Variants in ZFHX3 observed in about 807,000 individuals in gnomAD.
ZFHX3 encodes zinc finger homeobox protein 3.
A neutral mutation model predicts 279.1 loss-of-function variants in ZFHX3; 42 were observed. The observed-to-expected ratio is 0.15, with a 90% CI of 0.12 to 0.19. ZFHX3 has a LOEUF of 0.19. ZFHX3 is among the 10% of genes least tolerant of loss of function. ZFHX3 has a pLI of 1.00. For synonymous variants in ZFHX3, 2,293 were observed against 1,957.8 expected, an observed-to-expected ratio of 1.17 and a Z score of -4.52; for missense variants, 4,981 against 4,754.0, an observed-to-expected ratio of 1.05 and a Z score of -1.40.
intron 3 of ZFHX3, among the ~76,000 whole-genome samples, chr16:72,904,861 T>A (rs1332743972): frequency 6.6e-6 from 1 of 152,146 alleles, no homozygotes; most frequent in Non-Finnish European, 1.5e-5. Flanking sequence ...GATGGGAGTC[T>A]CACTCTGTCA....
At chr16:73,682,989 AGAAAAGAAAGAAAGAAAGAAAGAG>A (rs2053040092) in intron 1 of ZFHX3, among the ~76,000 whole-genome samples, 1 of 34,936 alleles carries the variant, frequency 2.9e-5, no homozygotes, top group East Asian at 1.9e-3. Flanking sequence ...AAAGAAAGAA[AGAAAAGAAAGAAAGAAAGAAAGAG>A]AAAGGAGGGA....
intron 1 of ZFHX3, among the ~76,000 whole-genome samples, chr16:73,872,586 T>G (rs1369239119): frequency 6.6e-6 from 1 of 151,468 alleles, no homozygotes; most frequent in African/African-American, 2.4e-5. Context: ...TGGCTCTGCA[T>G]GCCCTCTGAA....
intron 1 of ZFHX3, among the ~76,000 whole-genome samples, chr16:73,872,065 G>T (rs1482110082): frequency 6.6e-6 from 1 of 152,154 alleles, no homozygotes; most frequent in Non-Finnish European, 1.5e-5. Context: ...ATTTTGAATT[G>T]TAAGTGAATG....
intron 3 of ZFHX3, among the ~76,000 whole-genome samples, chr16:73,376,372 GT>G (rs1156932279): frequency 6.6e-6 from 1 of 152,044 alleles, no homozygotes; most frequent in Admixed American, 6.6e-5. Flanking sequence ...ATTCTTTTAG[GT>G]TCTGGACCAT....
chr16:73,323,420 T>C (rs1365716977), intron 3 of ZFHX3, among the ~76,000 whole-genome samples: 1 of 151,976 alleles, frequency 6.6e-6, no homozygotes, highest in African/African-American at 2.4e-5. Context: ...GAAAAGTGGA[T>C]TTTCAAGAAG....
intron 3 of ZFHX3, among the ~76,000 whole-genome samples, chr16:73,427,811 C>T (rs750806903): frequency 9.9e-5 from 15 of 151,372 alleles, no homozygotes; most frequent in South Asian, 2.1e-4. Context: ...GGCGTGGTGG[C>T]GCACGCCTGG....
chr16:73,140,785 T>C lies in ZFHX3; in HGVS notation c.-1024+2967A>G, dbSNP rs368712333. Among the ~76,000 whole-genome samples, 153 of 151,822 alleles carry C rather than the reference T, an allele frequency of 1.0e-3. 2 individuals carry two copies. The highest frequency in any genetic ancestry group is 2.9e-3 in the South Asian group (14 of 4,778). On this transcript the variant is annotated intron_variant, in intron 6 of 17. Coordinates refer to the ZFHX3 transcript ENST00000641206. ...AGGAGAATCAATTGAACCCGGGAGGTGGAGGTTGCAGTGAGCTGATTGTGC... is the reference window on the plus strand; with the variant it reads ...AGGAGAATCAATTGAACCCGGGAGGCGGAGGTTGCAGTGAGCTGATTGTGC...
At chr16:73,411,865 TG>T (rs1429183259) in intron 3 of ZFHX3, among the ~76,000 whole-genome samples, 1 of 152,204 alleles carries the variant, frequency 6.6e-6, no homozygotes, top group Non-Finnish European at 1.5e-5. Context: ...CTTAGACATT[TG>T]AGTGTGTGAC....
At chr16:73,205,698 A>G (rs987716156) in intron 5 of ZFHX3, among the ~76,000 whole-genome samples, 5 of 152,164 alleles carry the variant, frequency 3.3e-5, no homozygotes, top group Non-Finnish European at 7.3e-5. Flanking sequence ...TTGGCTTTCA[A>G]TTCAAGATTA....
At chr16:73,713,957 A>C (rs1423598674) in intron 1 of ZFHX3, among the ~76,000 whole-genome samples, 1 of 152,182 alleles carries the variant, frequency 6.6e-6, no homozygotes, top group African/African-American at 2.4e-5. Flanking sequence ...TCAGAAGAAT[A>C]AGTACAGCCA....
intron 3 of ZFHX3, among the ~76,000 whole-genome samples, chr16:73,355,311 G>T (rs2016320603): frequency 6.6e-6 from 1 of 152,108 alleles, no homozygotes; most frequent in African/African-American, 2.4e-5. Context: ...CTCCTGACAT[G>T]AATAATAATA....
intron 3 of ZFHX3, among the ~76,000 whole-genome samples, chr16:73,320,614 C>T (rs1224575744): frequency 6.6e-6 from 1 of 152,204 alleles, no homozygotes; most frequent in Non-Finnish European, 1.5e-5. Flanking sequence ...TACCTATCTA[C>T]CTGTGCTTGG....
At chr16:73,579,380 T>C (rs2143820544) in intron 2 of ZFHX3, among the ~76,000 whole-genome samples, 1 of 152,372 alleles carries the variant, frequency 6.6e-6, no homozygotes, top group East Asian at 1.9e-4. Flanking sequence ...GGTGCATCCT[T>C]AACCTTGGCA....
Position 73,878,051 on chromosome 16 carries a change from C to T in ZFHX3, c.-1608+13600G>A, listed in dbSNP as rs368961544. Among the ~76,000 whole-genome samples the T allele has an allele frequency of 2.2e-3, 331 of 151,624 alleles. 1 individual carries two copies. Among genetic ancestry groups the T allele is most frequent in the African/African-American group, 7.4e-3 (304 of 41,336 alleles). ...CATCATTTCTCTTTTTGGTTGAAACCCAGTGTAATATTCTGACTACTTAAA... is the reference window on the plus strand; with the variant it reads ...CATCATTTCTCTTTTTGGTTGAAACTCAGTGTAATATTCTGACTACTTAAA... On this transcript the variant is annotated intron_variant, in intron 1 of 17. Coordinates refer to the ZFHX3 transcript ENST00000641206.
chr16:72,905,426 A>G (rs2039144476), intron 3 of ZFHX3, among the ~76,000 whole-genome samples: 2 of 151,922 alleles, frequency 1.3e-5, no homozygotes, highest in African/African-American at 4.8e-5. Flanking sequence ...CCATTCCTCC[A>G]TTTCTTCTAC....
At chr16:73,151,686 T>C (rs1411075269) in intron 5 of ZFHX3, among the ~76,000 whole-genome samples, 1 of 151,772 alleles carries the variant, frequency 6.6e-6, no homozygotes, top group Non-Finnish European at 1.5e-5. Context: ...CGTGTTGAGG[T>C]CTGACGAAGT....
chr16:73,002,376 C>A lies in ZFHX3; in HGVS notation c.-49-42182G>T, dbSNP rs145812661. Among the ~76,000 whole-genome samples the A allele has an allele frequency of 2.6e-5, 4 of 152,200 alleles. No homozygotes were observed. The East Asian group carries it at 7.7e-4, about 29-fold the overall frequency. On this transcript the variant is annotated intron_variant, in intron 1 of 9. Transcript: ENST00000268489. The stretch of plus-strand genomic sequence containing the variant: ...TCCTATACCTGCCCCCTAAGTCCTT[C>A]CACAAAGTGACGAGATAGAGAAGGT...
intron 1 of ZFHX3, among the ~76,000 whole-genome samples, chr16:73,767,342 A>T (rs115768958): frequency 3.3e-5 from 5 of 152,314 alleles, no homozygotes; most frequent in African/African-American, 1.2e-4. Context: ...ATTCATGCTC[A>T]GCAGAAGAAT....
At chr16:73,306,099 G>A (rs2015174053) in intron 4 of ZFHX3, among the ~76,000 whole-genome samples, 2 of 152,190 alleles carry the variant, frequency 1.3e-5, no homozygotes, top group Admixed American at 1.3e-4. Context: ...TGAGGTTTTA[G>A]GTTCTACCAA....
Sources: allele counts gnomAD v4.1 joint callset (sites outside exome capture counted in the v4.1 genomes callset), GRCh38; gene constraint gnomAD v4.1.1; transcripts MANE v1.5; gene names NCBI Gene and HGNC (gene_info 2026-07-23, HGNC 2026-07-21).